LYZL1: variants seen among roughly 807,000 people sequenced by gnomAD.
LYZL1 encodes lysozyme like 1, also known as lysozyme-like protein 1.
Under a neutral mutation model 17.9 loss-of-function variants are expected in LYZL1, and 16 were observed. The observed-to-expected ratio is 0.90, with a 90% CI of 0.61 to 1.36. The LOEUF (loss-of-function observed/expected upper bound fraction) is 1.36. LYZL1 is among the 40% of genes most tolerant of loss of function. The pLI, the probability that LYZL1 is intolerant of heterozygous loss-of-function variation, is 0.00. For missense variants in LYZL1, 149 were observed against 188.4 expected, an observed-to-expected ratio of 0.79 and a Z score of 1.22; for synonymous variants, 58 against 71.8, an observed-to-expected ratio of 0.81 and a Z score of 0.97.
rs1183539464 is a variant in LYZL1, at chr10:29,309,520, A to G, written c.299-590A>G. 3.9e-5 allele frequency among the ~76,000 whole-genome samples: 6 copies of G among 152,228 alleles called. No individual in the cohort carries two copies. In the East Asian group the frequency reaches 7.7e-4, roughly 20 times the overall value. On this transcript the variant is annotated intron_variant, in intron 3 of 4. Transcript: ENST00000649382. ...ATGTGCCATTTTTTTTTCTTAAGACAGGGTCTCACTCTGTTGCCCAGGCTG... is the reference window on the plus strand; with the variant it reads ...ATGTGCCATTTTTTTTTCTTAAGACGGGGTCTCACTCTGTTGCCCAGGCTG...
downstream of LYZL1, among the ~76,000 whole-genome samples, chr10:29,316,193 G>C (rs146850823): frequency 6.0e-4 from 92 of 152,316 alleles, no homozygotes; most frequent in East Asian, 0.015. Flanking sequence ...GGGCAGGAAG[G>C]CAGCTTCACA....
downstream of LYZL1, among the ~76,000 whole-genome samples, chr10:29,314,158 C>T (rs765212501): frequency 3.3e-5 from 5 of 152,144 alleles, no homozygotes; most frequent in African/African-American, 1.2e-4. Context: ...AAGCCTGGCC[C>T]AGCCAACACA....
downstream of LYZL1, among the ~76,000 whole-genome samples, chr10:29,311,777 T>A (rs796120305): frequency 1.2e-4 from 18 of 151,160 alleles, no homozygotes; most frequent in African/African-American, 3.6e-4. Context: ...CAGAAGTTTG[T>A]GACCAGCCTG....
chr10:29,289,364 G>C, intron 1 of LYZL1, 134 bp downstream of exon 1: 1 of 592,118 alleles, frequency 1.7e-6, no homozygotes, highest in Non-Finnish European at 2.7e-6. Flanking sequence ...TAAGGCAGGG[G>C]ATGGAAACCA....
In LYZL1 at chr10:29,293,127, C is replaced by CTTTTTTTTTTTTTTTTTTTTTTT. The variant is rs778807136; in HGVS notation, c.298+456_298+457insTTTTTTTTTTTTTTTTTTTTTTT. On this transcript the variant is annotated intron_variant, in intron 3 of 4. Coordinates refer to ENST00000649382, the MANE Select transcript of LYZL1 (RefSeq NM_032517.6). ...TCTTTCTTTTTTTTTCTTTTCTTTT[C>CTTTTTTTTTTTTTTTTTTTTTTT]TTTTTTCTTTTTTTTTTTTTTTTGA... 1.3e-4 allele frequency among the ~76,000 whole-genome samples: 14 copies of CTTTTTTTTTTTTTTTTTTTTTTT among 104,194 alleles called. 1 individual carries two copies. Among genetic ancestry groups the CTTTTTTTTTTTTTTTTTTTTTTT allele is most frequent in the Non-Finnish European group, 1.4e-4 (7 of 50,618 alleles). 68.4% of individuals were successfully genotyped at this position (104,194 alleles called of 152,430 possible).
intron 3 of LYZL1, among the ~76,000 whole-genome samples, chr10:29,293,127 C>CTTTTCTT (rs1835397932): frequency 9.4e-4 from 98 of 104,142 alleles, no homozygotes; most frequent in Non-Finnish European, 1.4e-3. Flanking sequence ...CTTTTCTTTT[C>CTTTTCTT]TTTTTTCTTT....
At chr10:29,295,425 AC>A (rs1363814767) in intron 3 of LYZL1, among the ~76,000 whole-genome samples, 1 of 152,150 alleles carries the variant, frequency 6.6e-6, no homozygotes, top group Non-Finnish European at 1.5e-5. Flanking sequence ...TGACTTTTGA[AC>A]CCTTCTCTGT....
intron 3 of LYZL1, among the ~76,000 whole-genome samples, chr10:29,299,431 G>A (rs1437629398): frequency 1.3e-5 from 2 of 152,156 alleles, no homozygotes; most frequent in Non-Finnish European, 1.5e-5. Flanking sequence ...TATTTGGTGG[G>A]TAGATGTTCT....
rs182361062 is a variant in LYZL1 at position 29,304,394 on chromosome 10, C to T, written c.299-5716C>T. ...TTCATCACCCTGGTATCTGAATTGG[C>T]CTTTGTCATCTCACAGGGGAAAGAG... On this transcript the variant is annotated intron_variant, in intron 3 of 4. Coordinates refer to ENST00000649382, the MANE Select transcript of LYZL1 (RefSeq NM_032517.6). Among the ~76,000 whole-genome samples, 640 of 152,104 alleles carry T rather than the reference C, an allele frequency of 4.2e-3. 6 individuals are homozygous for T. Among genetic ancestry groups the T allele is most frequent in the African/African-American group, 0.014 (588 of 41,506 alleles).
downstream of LYZL1, among the ~76,000 whole-genome samples, chr10:29,313,149 C>T (rs1191039272): frequency 6.6e-6 from 1 of 152,276 alleles, no homozygotes; most frequent in East Asian, 1.9e-4. Context: ...TCTAAACATA[C>T]ATGTCATCCT....
chr10:29,295,421 T>C (rs1022939089), intron 3 of LYZL1, among the ~76,000 whole-genome samples: 12 of 152,206 alleles, frequency 7.9e-5, no homozygotes, highest in Admixed American at 5.9e-4. Flanking sequence ...GGCATGACTT[T>C]TGAACCCTTC....
intron 3 of LYZL1, among the ~76,000 whole-genome samples, chr10:29,293,005 C>T (rs776124830): frequency 9.9e-5 from 15 of 152,226 alleles, no homozygotes; most frequent in African/African-American, 1.7e-4. Context: ...AGCTGCTTTC[C>T]ATAAGCAATT....
chr10:29,302,592 G>GT (rs1183623968), intron 3 of LYZL1, among the ~76,000 whole-genome samples: 3 of 152,242 alleles, frequency 2.0e-5, no homozygotes, highest in African/African-American at 7.2e-5. Flanking sequence ...CCAGGTGTGT[G>GT]TTTTTTATTA....
Position 29,298,485 on chromosome 10 carries a change from C to T in LYZL1, c.298+5808C>T, listed in dbSNP as rs115683738. Among the ~76,000 whole-genome samples the T allele has an allele frequency of 4.8e-3, 736 of 152,286 alleles. 8 individuals are homozygous for T. The highest frequency in any genetic ancestry group is 0.016 in the African/African-American group (667 of 41,544). On this transcript the variant is annotated intron_variant, in intron 3 of 4. Coordinates refer to ENST00000649382, the MANE Select transcript of LYZL1 (RefSeq NM_032517.6). ...GGAGACCATTGACGGCAACTGTGTG[C>T]GTTGGCCTCTGAGTGCACAGAGCAT...
exon 5 of LYZL1, chr10:29,318,325 GT>G: frequency 6.9e-6 from 2 of 291,928 alleles, no homozygotes; most frequent in Non-Finnish European, 1.0e-5. Flanking sequence ...AGATTCATAA[GT>G]AATCTGACTT....
chr10:29,301,614 TTCTC>T (rs1468797911), intron 3 of LYZL1, among the ~76,000 whole-genome samples: 1 of 152,236 alleles, frequency 6.6e-6, no homozygotes, highest in Non-Finnish European at 1.5e-5. Context: ...TTTTAAGATT[TTCTC>T]TCTATTACTC....
At position 29,292,615 on chromosome 10, in the gene LYZL1, G is replaced by C; in HGVS notation, c.236G>C (p.Ser79Thr). 6.2e-7 allele frequency: 1 copy of C among 1,614,264 alleles called. No individual in the cohort carries two copies. The highest frequency in any genetic ancestry group is 2.2e-5 in the East Asian group (1 of 44,886). ...GACTATGGCATCTTCCAGATCAACA[G>C]CTTCGCGTGGTGCAGACGCGGAAAG... The part of the protein sequence containing the change: ...SIDYGIFQIN[S>T]FAWCRRGKLK... The change falls in exon 3 of 5, where the codon AGC becomes ACC. Residue 79 changes from serine to threonine, a missense_variant. This residue lies in a region of LYZL1 where 130 missense variants were observed against 132.5 expected (regional missense o/e 0.98). Coordinates refer to ENST00000649382, the MANE Select transcript of LYZL1 (RefSeq NM_032517.6).
At chr10:29,291,212 A>G (rs1774946) in intron 1 of LYZL1, among the ~76,000 whole-genome samples, 31,948 of 152,136 alleles carry the variant, frequency 0.21, 3,544 homozygotes, top group Middle Eastern at 0.27. Context: ...TTTATGTTCT[A>G]TGTCTTCTGT....
At chr10:29,311,848 C>T (rs764125672), downstream of LYZL1, among the ~76,000 whole-genome samples, 4 of 151,830 alleles carry the variant, frequency 2.6e-5, no homozygotes, top group East Asian at 1.9e-4. Context: ...CGTGGTGGTG[C>T]GTGCCTGTAA....
Sources: gnomAD v4.1 joint callset for allele counts (sites outside exome capture counted in the v4.1 genomes callset) on GRCh38, gnomAD v4.1.1 for gene constraint, gnomAD v4.1.1 regional missense constraint, MANE v1.5 for transcripts, NCBI Gene and HGNC (gene_info 2026-07-23, HGNC 2026-07-21) for gene names.